TACR1: variants seen among roughly 807,000 people sequenced by gnomAD.
The protein encoded by TACR1 is tachykinin receptor 1, also known as substance-P receptor.
Under a neutral mutation model 35.8 loss-of-function variants are expected in TACR1, and 25 were observed. The ratio of observed to expected loss-of-function variants is 0.70; its 90% confidence interval spans 0.51 to 0.98. The LOEUF is 0.98. Among genes scored for constraint, TACR1 ranks in the 50% least tolerant of loss-of-function variants. TACR1 has a pLI of 0.00. For synonymous variants in TACR1, 195 were observed against 206.7 expected, an observed-to-expected ratio of 0.94 and a Z score of 0.48; for missense variants, 478 against 522.9, an observed-to-expected ratio of 0.91 and a Z score of 0.84.
intron 1 of TACR1, among the ~76,000 whole-genome samples, chr2:75,150,176 C>T (rs963842662): frequency 3.3e-5 from 5 of 152,148 alleles, no homozygotes; most frequent in South Asian, 2.1e-4. Flanking sequence ...AAACACCAGA[C>T]ACTTTGCCAG....
At chr2:75,107,725 A>T (rs527697234) in intron 2 of TACR1, among the ~76,000 whole-genome samples, 2 of 152,176 alleles carry the variant, frequency 1.3e-5, no homozygotes, top group Admixed American at 1.3e-4. Flanking sequence ...AGACAAAATG[A>T]ATTTTATTGG....
intron 1 of TACR1, among the ~76,000 whole-genome samples, chr2:75,133,642 T>C (rs1294547263): frequency 6.6e-6 from 1 of 152,234 alleles, no homozygotes; most frequent in East Asian, 1.9e-4. Context: ...GTTTGCTTTT[T>C]ATCAAGGCAC....
chr2:75,157,891 A>G (rs1674901715), intron 1 of TACR1, among the ~76,000 whole-genome samples: 1 of 152,260 alleles, frequency 6.6e-6, no homozygotes, highest in African/African-American at 2.4e-5. Flanking sequence ...TTCTACCTAG[A>G]GACAGGGAAG....
At chr2:75,144,223 T>G (rs1047194870) in intron 1 of TACR1, among the ~76,000 whole-genome samples, 4 of 152,156 alleles carry the variant, frequency 2.6e-5, no homozygotes, top group African/African-American at 9.7e-5. Flanking sequence ...CTCCCTGGAC[T>G]GGAGAGGTGT....
intron 1 of TACR1, among the ~76,000 whole-genome samples, chr2:75,181,036 A>G (rs959692466): frequency 6.6e-6 from 1 of 152,156 alleles, no homozygotes; most frequent in Non-Finnish European, 1.5e-5. Flanking sequence ...CTTCTTCCAC[A>G]TTCTCATTTC....
At chr2:75,154,939 T>C (rs1408131737) in intron 1 of TACR1, among the ~76,000 whole-genome samples, 1 of 152,180 alleles carries the variant, frequency 6.6e-6, no homozygotes, top group East Asian at 1.9e-4. Context: ...GGAAGCTGCC[T>C]TTCTCCTCCA....
chr2:75,119,598 G>A (rs1333524793), intron 2 of TACR1, among the ~76,000 whole-genome samples: 2 of 152,186 alleles, frequency 1.3e-5, no homozygotes, highest in Non-Finnish European at 2.9e-5. Context: ...GTTGTTTCAA[G>A]GATAAGAAGT....
chr2:75,087,052 T>A (rs1673203263), intron 2 of TACR1, among the ~76,000 whole-genome samples: 1 of 152,156 alleles, frequency 6.6e-6, no homozygotes. Flanking sequence ...AAATACACAT[T>A]GAATTTTGAA....
chr2:75,151,203 GTTT>G (rs1357273394), intron 1 of TACR1, among the ~76,000 whole-genome samples: 1 of 152,242 alleles, frequency 6.6e-6, no homozygotes, highest in Admixed American at 6.5e-5. Flanking sequence ...GGCTGCAGAA[GTTT>G]GCATAAGTAG....
chr2:75,195,656 C>A (rs988455678), intron 1 of TACR1, among the ~76,000 whole-genome samples: 2 of 151,824 alleles, frequency 1.3e-5, no homozygotes, highest in African/African-American at 4.9e-5. Flanking sequence ...TTATTGGGAT[C>A]TATCTTAAGA....
chr2:75,064,432 G>T (rs1672728308), intron 2 of TACR1, among the ~76,000 whole-genome samples: 1 of 152,202 alleles, frequency 6.6e-6, no homozygotes, highest in Admixed American at 6.5e-5. Context: ...TGTATTTTGG[G>T]ATAGGAAAAA....
chr2:75,059,203 A>G (rs1042628638), intron 2 of TACR1, among the ~76,000 whole-genome samples: 12 of 152,216 alleles, frequency 7.9e-5, no homozygotes, highest in Non-Finnish European at 1.6e-4. Flanking sequence ...TCCATACCAC[A>G]TAATCATCCA....
chr2:75,114,746 T>C (rs1443247982), intron 2 of TACR1, among the ~76,000 whole-genome samples: 1 of 152,216 alleles, frequency 6.6e-6, no homozygotes, highest in Non-Finnish European at 1.5e-5. Context: ...TCCACCTTCC[T>C]AGAACTTCCT....
chr2:75,122,114 T>C (rs1291808406), intron 1 of TACR1, among the ~76,000 whole-genome samples: 2 of 152,094 alleles, frequency 1.3e-5, no homozygotes, highest in African/African-American at 4.8e-5. Flanking sequence ...AAAAGGTGCA[T>C]CAATAAGCAG....
At chr2:75,118,540 T>A (rs1673907274) in intron 2 of TACR1, among the ~76,000 whole-genome samples, 1 of 152,210 alleles carries the variant, frequency 6.6e-6, no homozygotes, top group Non-Finnish European at 1.5e-5. Context: ...GATTTTCTAG[T>A]CATTCATAAG....
chr2:75,150,804 A>G (rs1473454952), intron 1 of TACR1, among the ~76,000 whole-genome samples: 1 of 152,242 alleles, frequency 6.6e-6, no homozygotes, highest in African/African-American at 2.4e-5. Context: ...AATGTGGGAA[A>G]GTTTGGAACT....
At chr2:75,193,758 G>A (rs187141553) in intron 1 of TACR1, among the ~76,000 whole-genome samples, 28 of 152,176 alleles carry the variant, frequency 1.8e-4, no homozygotes, top group African/African-American at 6.7e-4. Context: ...TGCTGGGCAG[G>A]ATGTCCCTCC....
rs538031746 is a variant in TACR1, at chr2:75,145,706, G to T, written c.390-24938C>A. On this transcript the variant is annotated intron_variant, in intron 1 of 4. Coordinates refer to ENST00000305249, the MANE Select transcript of TACR1 (RefSeq NM_001058.4). ...ACTGTCAAATATTCCTTTACTAAAA[G>T]AAATAGAAATTTGAGTAAGCAAAGA... 5.9e-5 allele frequency among the ~76,000 whole-genome samples: 9 copies of T among 152,280 alleles called. No homozygotes were observed. In the South Asian group the frequency reaches 1.9e-3, roughly 32 times the overall value.
At chr2:75,198,518 C>CTT in intron 1 of TACR1, 28 bp downstream of exon 1, 2 of 1,604,546 alleles carry the variant, frequency 1.2e-6, no homozygotes, top group Non-Finnish European at 1.7e-6. Flanking sequence ...TGAGCACTTT[C>CTT]TCGCCTTTTC....
Sources: allele counts gnomAD v4.1 joint callset (sites outside exome capture counted in the v4.1 genomes callset), GRCh38; gene constraint gnomAD v4.1.1; transcripts MANE v1.5; gene names NCBI Gene and HGNC (gene_info 2026-07-23, HGNC 2026-07-21).